The following LRBA variants were observed in gnomAD, a reference collection of about 807,000 sequenced individuals.
LRBA encodes lipopolysaccharide-responsive and beige-like anchor protein.
Under a neutral mutation model 330.0 loss-of-function variants are expected in LRBA, and 176 were observed. The ratio of observed to expected loss-of-function variants is 0.53; its 90% CI spans 0.47 to 0.60. The LOEUF (loss-of-function observed/expected upper bound fraction) is 0.60. Ranked by LOEUF, LRBA falls within the 20% of genes least tolerant of loss-of-function variation. LRBA has a pLI of 0.00. For missense variants in LRBA, 3,259 were observed against 3,444.8 expected, an observed-to-expected ratio of 0.95 and a Z score of 1.35; for synonymous variants, 1,230 against 1,193.0, an observed-to-expected ratio of 1.03 and a Z score of -0.64.
At chr4:150,851,300 GAACC>G (rs1750581725) in intron 23 of LRBA, among the ~76,000 whole-genome samples, 1 of 152,000 alleles carries the variant, frequency 6.6e-6, no homozygotes, top group African/African-American at 2.4e-5. Context: ...ACATAATGAA[GAACC>G]AACCAACAAA....
chr4:150,946,873 T>C (rs545007942), intron 2 of LRBA, among the ~76,000 whole-genome samples: 49 of 149,086 alleles, frequency 3.3e-4, no homozygotes, highest in African/African-American at 1.0e-3. Flanking sequence ...CACAAATTAC[T>C]AGTATCAGGG....
intron 2 of LRBA, among the ~76,000 whole-genome samples, chr4:150,951,622 A>G (rs1736847149): frequency 6.6e-6 from 1 of 152,200 alleles, no homozygotes; most frequent in African/African-American, 2.4e-5. Context: ...AACAACAAAA[A>G]TCTACAAAGT....
chr4:150,657,508 C>T (rs189052896), intron 37 of LRBA, among the ~76,000 whole-genome samples: 19 of 151,828 alleles, frequency 1.3e-4, no homozygotes, highest in Non-Finnish European at 2.5e-4. Context: ...TCCATAGAAA[C>T]ATGGGTTAAA....
At chr4:150,579,743 A>G (rs1414159038) in intron 40 of LRBA, 1 of 456,230 alleles carries the variant, frequency 2.2e-6, no homozygotes, top group East Asian at 7.0e-5. Context: ...AGAAGAGGAG[A>G]AGGCGCAGGA....
intron 40 of LRBA, among the ~76,000 whole-genome samples, chr4:150,577,804 T>G (rs1561377461): frequency 6.6e-6 from 1 of 152,140 alleles, no homozygotes; most frequent in Non-Finnish European, 1.5e-5. Context: ...TAAATACATT[T>G]TTAAGTAAAG....
At chr4:150,714,253 T>A (rs913938380) in intron 36 of LRBA, among the ~76,000 whole-genome samples, 4 of 152,188 alleles carry the variant, frequency 2.6e-5, no homozygotes, top group African/African-American at 9.6e-5. Flanking sequence ...TCAAGAACAG[T>A]TTATAATTTG....
intron 37 of LRBA, among the ~76,000 whole-genome samples, chr4:150,670,725 G>T (rs886166516): frequency 6.6e-6 from 1 of 152,092 alleles, no homozygotes; most frequent in Non-Finnish European, 1.5e-5. Context: ...CTTTCTATGT[G>T]TGTACACATA....
intron 48 of LRBA, among the ~76,000 whole-genome samples, chr4:150,340,117 C>G (rs754914444): frequency 3.5e-4 from 54 of 152,242 alleles, no homozygotes; most frequent in Non-Finnish European, 6.3e-4. Flanking sequence ...CCCCTTTCAC[C>G]ATGGCTGTAA....
intron 36 of LRBA, among the ~76,000 whole-genome samples, chr4:150,706,734 T>C (rs1317730269): frequency 2.6e-5 from 4 of 151,546 alleles, no homozygotes; most frequent in Admixed American, 2.6e-4. Flanking sequence ...GCAGAGCTTC[T>C]AAAACAAAAT....
In LRBA at chr4:150,844,173, G is replaced by A. The variant is rs1749503984; in HGVS notation, c.4496C>T (p.Pro1499Leu). Residue 1499 changes from proline (P) to leucine (L), a missense_variant, in exon 28 of 57, where the codon CCA becomes CTA. Coordinates refer to ENST00000651943, the MANE Select transcript of LRBA (RefSeq NM_001364905.1). ...TAGAAGCCTGTCAAGATCTCTTACT[G>A]GAGATATACCGCCAGTCACAATGTC... Reference protein sequence around the residue: ...PVDIVTGGISPVRDLDRLLQD... With the variant: ...PVDIVTGGISLVRDLDRLLQD... The A allele has an allele frequency of 1.2e-6, 2 of 1,609,800 alleles. No individual in the cohort carries two copies. The highest frequency in any genetic ancestry group is 4.5e-5 in the East Asian group (2 of 44,790).
intron 42 of LRBA, among the ~76,000 whole-genome samples, chr4:150,486,459 C>T (rs1338544168): frequency 6.6e-6 from 1 of 151,610 alleles, no homozygotes; most frequent in Non-Finnish European, 1.5e-5. Flanking sequence ...AATAATTTTA[C>T]CACAGCATTT....
Position 150,563,782 on chromosome 4 carries a change from C to T in LRBA, c.6330+24266G>A, listed in dbSNP as rs182545054. 4.6e-5 allele frequency among the ~76,000 whole-genome samples: 7 copies of T among 152,188 alleles called. No homozygotes were observed. In the East Asian group the frequency reaches 1.4e-3, roughly 29 times the overall value. ...CAAATCATGAGAGAACTCCCATTCACAATTGCAACAAAGAGAATAAAATAC... is the reference window on the plus strand; with the variant it reads ...CAAATCATGAGAGAACTCCCATTCATAATTGCAACAAAGAGAATAAAATAC... On this transcript the variant is annotated intron_variant, in intron 40 of 56. Transcript: ENST00000651943.
At chr4:150,580,486 A>T (rs1400507616) in intron 40 of LRBA, 1 of 152,152 alleles carries the variant, frequency 6.6e-6, no homozygotes, top group Non-Finnish European at 1.5e-5. Context: ...GGACTTTAAG[A>T]GGGTAAGTCA....
intron 2 of LRBA, among the ~76,000 whole-genome samples, chr4:150,948,715 G>T (rs1561044190): frequency 1.3e-5 from 2 of 151,568 alleles, no homozygotes; most frequent in African/African-American, 2.4e-5. Flanking sequence ...TCTGACAAAA[G>T]AATAATATCT....
chr4:150,677,881 C>G (rs958633387), intron 37 of LRBA, among the ~76,000 whole-genome samples: 3 of 151,476 alleles, frequency 2.0e-5, no homozygotes, highest in Non-Finnish European at 2.9e-5. Context: ...TGTTCAGTAT[C>G]AGGCCTGTAA....
At chr4:150,302,984 T>C (rs960705364) in intron 52 of LRBA, among the ~76,000 whole-genome samples, 192 bp from the exon 53 acceptor site, 2 of 152,150 alleles carry the variant, frequency 1.3e-5, no homozygotes, top group Non-Finnish European at 2.9e-5. Flanking sequence ...CAATTGAAAA[T>C]TGTTAACATT....
rs1741455523 is a variant in LRBA, at chr4:150,986,284, C to T, written c.216+28143G>A. Among the ~76,000 whole-genome samples the T allele has an allele frequency of 2.6e-5, 4 of 152,054 alleles. No individual in the cohort carries two copies. The South Asian group carries it at 8.3e-4, about 32-fold the overall frequency. On this transcript the variant is annotated intron_variant, in intron 2 of 56. Transcript: ENST00000651943. Reference sequence around the variant, plus strand: ...TCAAGATGAAACTGTTCCACCTCAGCGGGAGATGAACGGCAGGCAAGCGAG... The same window carrying T: ...TCAAGATGAAACTGTTCCACCTCAGTGGGAGATGAACGGCAGGCAAGCGAG...
chr4:150,304,278 A>G (rs2126855534), intron 52 of LRBA, among the ~76,000 whole-genome samples: 1 of 152,162 alleles, frequency 6.6e-6, no homozygotes, highest in Non-Finnish European at 1.5e-5. Flanking sequence ...TAAATATAAG[A>G]TAATATTTAC....
chr4:150,386,511 C>T (rs555342289), intron 47 of LRBA, among the ~76,000 whole-genome samples: 14 of 149,704 alleles, frequency 9.4e-5, no homozygotes, highest in Non-Finnish European at 2.1e-4. Flanking sequence ...GGTGAGAGCA[C>T]GTGCTATTTG....
Sources: allele counts gnomAD v4.1 joint callset (sites outside exome capture counted in the v4.1 genomes callset), GRCh38; gene constraint gnomAD v4.1.1; transcripts MANE v1.5; gene names NCBI Gene and HGNC (gene_info 2026-07-23, HGNC 2026-07-21).